The following BMPR2 variants were observed in gnomAD, a reference collection of about 807,000 sequenced individuals.
BMPR2 encodes bone morphogenetic protein receptor type-2.
In BMPR2, 29 loss-of-function variants were observed where a neutral mutation model predicts 100.8. The ratio of observed to expected loss-of-function variants is 0.29; its 90% CI spans 0.21 to 0.39. The LOEUF is 0.39. Among genes scored for constraint, BMPR2 ranks in the 10% least tolerant of loss-of-function variants. The probability of loss-of-function intolerance (pLI) is 1.00; values close to 1 mark genes in which losing one functional copy is unlikely to be tolerated. For synonymous variants in BMPR2, 382 were observed against 442.3 expected, an observed-to-expected ratio of 0.86 and a Z score of 1.71; for missense variants, 1,011 against 1,274.5, an observed-to-expected ratio of 0.79 and a Z score of 3.15.
intron 1 of BMPR2, among the ~76,000 whole-genome samples, chr2:202,395,379 A>C (rs1406082956): frequency 2.0e-5 from 3 of 152,206 alleles, no homozygotes; most frequent in African/African-American, 7.2e-5. Context: ...AAAGATTACT[A>C]TTCTTGATCA....
intron 7 of BMPR2, among the ~76,000 whole-genome samples, chr2:202,522,130 G>T (rs914665415): frequency 6.6e-6 from 1 of 152,128 alleles, no homozygotes; most frequent in Non-Finnish European, 1.5e-5. Flanking sequence ...CTGCACTCCA[G>T]CCTGAGTGAC....
At chr2:202,506,120 C>G (rs1431209324) in intron 3 of BMPR2, among the ~76,000 whole-genome samples, 1 of 152,052 alleles carries the variant, frequency 6.6e-6, no homozygotes, top group Non-Finnish European at 1.5e-5. Flanking sequence ...TGGCAGAGAA[C>G]AGAAAGATAG....
At chr2:202,559,054 C>T (rs35714328) in intron 12 of BMPR2, among the ~76,000 whole-genome samples, 42,100 of 151,752 alleles carry the variant, frequency 0.28, 5,816 homozygotes, top group Middle Eastern at 0.32. Flanking sequence ...AATCCCAGCA[C>T]TTAGGGAGGC....
Position 202,561,389 on chromosome 2 carries a change from ATTATTT to A in BMPR2, c.*1447_*1452del, listed in dbSNP as rs1192028775. ...TAGTAATAAAATGACTTGAAATCATATTATTTTTAAAAGCCCTTTGCTTCTTTCATT... is the reference window on the plus strand; with the variant it reads ...TAGTAATAAAATGACTTGAAATCATATTAAAAGCCCTTTGCTTCTTTCATT... On this transcript the variant is annotated 3_prime_UTR_variant, in exon 13 of 13. Coordinates refer to ENST00000374580, the MANE Select transcript of BMPR2 (RefSeq NM_001204.7). 1 of 152,132 alleles carries A rather than the reference ATTATTT, an allele frequency of 6.6e-6. No individual in the cohort carries two copies. Among genetic ancestry groups the A allele is most frequent in the Non-Finnish European group, 1.5e-5 (1 of 68,004 alleles). The allele number at this position is 152,132 out of a possible 1,614,324, so 9.4% of individuals were successfully genotyped here.
At chr2:202,507,634 C>T (rs536543766) in intron 3 of BMPR2, among the ~76,000 whole-genome samples, 1 of 152,148 alleles carries the variant, frequency 6.6e-6, no homozygotes, top group South Asian at 2.1e-4. Context: ...AGCGGTTCTC[C>T]CAGCTTAGCC....
rs536796963 is a variant in BMPR2 at position 202,465,262 on chromosome 2, G to A, written c.247+283G>A. On this transcript the variant is annotated intron_variant, in intron 2 of 12. Transcript: ENST00000374580. The stretch of plus-strand genomic sequence containing the variant: ...AAATTAGTCGGGTATGGTGGTGTGC[G>A]CCTGTGGTCCCAGCTACTCAGTAGG... Among the ~76,000 whole-genome samples, 17 of 151,984 alleles carry A rather than the reference G, an allele frequency of 1.1e-4. No individual in the cohort carries two copies. The South Asian group carries it at 1.3e-3, about 11-fold the overall frequency.
intron 1 of BMPR2, among the ~76,000 whole-genome samples, chr2:202,426,844 TG>T (rs1691396533): frequency 1.3e-5 from 2 of 152,218 alleles, no homozygotes; most frequent in South Asian, 4.1e-4. Flanking sequence ...ACAGTGCCAC[TG>T]CACACTAGCC....
At chr2:202,444,583 G>A (rs896959509) in intron 1 of BMPR2, among the ~76,000 whole-genome samples, 1 of 150,610 alleles carries the variant, frequency 6.6e-6, no homozygotes, top group Admixed American at 6.6e-5. Context: ...ACACTTTTGT[G>A]TTGAAATGTT....
intron 1 of BMPR2, among the ~76,000 whole-genome samples, chr2:202,411,470 G>A (rs1691011840): frequency 6.6e-6 from 1 of 152,150 alleles, no homozygotes; most frequent in Admixed American, 6.5e-5. Flanking sequence ...TAAAACAGAG[G>A]AACTTCATTA....
At chr2:202,489,298 C>T (rs145472324) in intron 3 of BMPR2, among the ~76,000 whole-genome samples, 29 of 152,266 alleles carry the variant, frequency 1.9e-4, no homozygotes, top group African/African-American at 5.3e-4. Context: ...CCACCACGCC[C>T]GGCCTTTGTT....
chr2:202,510,212 T>C (rs1687593683), intron 3 of BMPR2, among the ~76,000 whole-genome samples: 1 of 152,042 alleles, frequency 6.6e-6, no homozygotes, highest in African/African-American at 2.4e-5. Flanking sequence ...AGGTCAGGAG[T>C]TCGAGACCAG....
At chr2:202,377,651 C>G in intron 1 of BMPR2, 101 bp downstream of exon 1, 1 of 1,376,982 alleles carries the variant, frequency 7.3e-7, no homozygotes, top group Non-Finnish European at 1.0e-6. Flanking sequence ...CGCCATGCGT[C>G]CCCCCGATCG....
chr2:202,502,152 A>G (rs1687407866), intron 3 of BMPR2, among the ~76,000 whole-genome samples: 1 of 152,268 alleles, frequency 6.6e-6, no homozygotes, highest in South Asian at 2.1e-4. Context: ...CTAATCCTAC[A>G]TGCCCATGCT....
At position 202,510,888 on chromosome 2, in the gene BMPR2, T is replaced by C. The variant is rs565409370; in HGVS notation, c.419-2831T>C. Reference sequence around the variant, plus strand: ...TAGAGCTGTGGTTTCACCATGTTGGTCAGGCTGGTCTCAAACCCCTGACCT... The same window carrying C: ...TAGAGCTGTGGTTTCACCATGTTGGCCAGGCTGGTCTCAAACCCCTGACCT... On this transcript the variant is annotated intron_variant, in intron 3 of 12. Transcript: ENST00000374580. Among the ~76,000 whole-genome samples the C allele has an allele frequency of 2.0e-3, 302 of 151,710 alleles. 1 individual carries two copies. The highest frequency in any genetic ancestry group is 6.6e-3 in the African/African-American group (275 of 41,360).
intron 1 of BMPR2, among the ~76,000 whole-genome samples, chr2:202,399,685 A>C (rs1690726507): frequency 6.6e-6 from 1 of 152,238 alleles, no homozygotes; most frequent in African/African-American, 2.4e-5. Context: ...CAGATGTGCT[A>C]GTCAAGATGG....
intron 1 of BMPR2, among the ~76,000 whole-genome samples, chr2:202,383,672 C>CAA (rs568495261): frequency 4.7e-5 from 5 of 105,332 alleles, no homozygotes; most frequent in East Asian, 5.8e-4. Flanking sequence ...GAAACTCTGT[C>CAA]AAAAAAAAAA....
intron 3 of BMPR2, among the ~76,000 whole-genome samples, chr2:202,512,313 G>A (rs1015149355): frequency 2.0e-5 from 3 of 152,206 alleles, no homozygotes; most frequent in Non-Finnish European, 4.4e-5. Context: ...CAGTCATCAA[G>A]CGCAGCTTCT....
intron 1 of BMPR2, among the ~76,000 whole-genome samples, chr2:202,406,166 C>T (rs144945204): frequency 1.3e-5 from 2 of 152,136 alleles, no homozygotes; most frequent in Admixed American, 6.6e-5. Context: ...TTATTATATC[C>T]AGCATAAGTG....
At chr2:202,384,040 C>T (rs1010714178) in intron 1 of BMPR2, among the ~76,000 whole-genome samples, 4 of 151,388 alleles carry the variant, frequency 2.6e-5, no homozygotes, top group Non-Finnish European at 4.4e-5. Flanking sequence ...GGCGTGGTGG[C>T]GGGCGCCTAT....
Sources: allele counts gnomAD v4.1 joint callset (sites outside exome capture counted in the v4.1 genomes callset), GRCh38; gene constraint gnomAD v4.1.1; transcripts MANE v1.5; gene names NCBI Gene and HGNC (gene_info 2026-07-23, HGNC 2026-07-21).